The following ADIPOR2 variants were observed in gnomAD, a reference collection of about 807,000 sequenced individuals.
ADIPOR2 encodes adiponectin receptor 2, also known as adiponectin receptor protein 2.
Under a neutral mutation model 40.9 loss-of-function variants are expected in ADIPOR2, and 18 were observed. The ratio of observed to expected loss-of-function variants is 0.44; its 90% CI spans 0.30 to 0.65. ADIPOR2 has a LOEUF of 0.65. Ranked by LOEUF, ADIPOR2 falls within the 30% of genes least tolerant of loss-of-function variation. ADIPOR2 has a pLI of 0.09. For synonymous variants in ADIPOR2, 165 were observed against 166.4 expected (o/e 0.99, Z 0.06); for missense variants, 283 against 479.2 (o/e 0.59, Z 3.82).
intron 6 of ADIPOR2, among the ~76,000 whole-genome samples, chr12:1,781,909 G>A (rs761911360): frequency 1.3e-5 from 2 of 152,212 alleles, no homozygotes; most frequent in Non-Finnish European, 2.9e-5. Flanking sequence ...GAGCAAATGA[G>A]CATTGGTCAG....
rs372407260 is a variant in ADIPOR2, at chr12:1,719,587, C to G, written c.-87+28396C>G. ...TGTTGTAAGGATTAAAGAGATAATCCTTGGGAAATATTTTATTGCATGTAG... is the reference window on the plus strand; with the variant it reads ...TGTTGTAAGGATTAAAGAGATAATCGTTGGGAAATATTTTATTGCATGTAG... On this transcript the variant is annotated intron_variant, in intron 1 of 7. Coordinates refer to ENST00000357103, the MANE Select transcript of ADIPOR2 (RefSeq NM_024551.3). 1.1e-4 allele frequency among the ~76,000 whole-genome samples: 17 copies of G among 152,062 alleles called. 1 individual carries two copies. In the South Asian group the frequency reaches 3.5e-3, roughly 32 times the overall value.
At chr12:1,728,759 G>A (rs1256900027) in intron 1 of ADIPOR2, among the ~76,000 whole-genome samples, 1 of 151,832 alleles carries the variant, frequency 6.6e-6, no homozygotes, top group Non-Finnish European at 1.5e-5. Flanking sequence ...ATAAAAGAAA[G>A]CTCTGCATGA....
chr12:1,710,292 A>G (rs1004194977), intron 1 of ADIPOR2, among the ~76,000 whole-genome samples: 5 of 152,082 alleles, frequency 3.3e-5, no homozygotes, highest in Non-Finnish European at 5.9e-5. Context: ...TTCGCTCTTC[A>G]CAATAAATCT....
intron 1 of ADIPOR2, among the ~76,000 whole-genome samples, chr12:1,706,105 A>G (rs562681151): frequency 1.1e-3 from 170 of 152,296 alleles, no homozygotes; most frequent in African/African-American, 3.9e-3. Context: ...GAAGAAGGGA[A>G]CTACTTACTT....
At chr12:1,694,757 A>C (rs1227532781) in intron 1 of ADIPOR2, among the ~76,000 whole-genome samples, 1 of 152,196 alleles carries the variant, frequency 6.6e-6, no homozygotes, top group Admixed American at 6.5e-5. Context: ...CTTTGTGTGC[A>C]TATACAAGTA....
rs1230624900 is a variant in ADIPOR2 at position 1,786,561 on chromosome 12, A to G, written c.*489A>G. On this transcript the variant is annotated 3_prime_UTR_variant, in exon 8 of 8. Transcript: ENST00000357103. Reference sequence around the variant, plus strand: ...AGAAATTAATGTAAATAAGATTTCTAACTGTTTAAATAAGACTTTATATAA... The same window carrying G: ...AGAAATTAATGTAAATAAGATTTCTGACTGTTTAAATAAGACTTTATATAA... The G allele has an allele frequency of 6.5e-6, 1 of 154,116 alleles. No individual in the cohort carries two copies. The highest frequency in any genetic ancestry group is 1.4e-5 in the Non-Finnish European group (1 of 69,046). 9.5% of individuals were successfully genotyped at this position (154,116 alleles called of 1,614,324 possible).
At chr12:1,741,672 A>G (rs185017423) in intron 1 of ADIPOR2, among the ~76,000 whole-genome samples, 8 of 152,334 alleles carry the variant, frequency 5.3e-5, no homozygotes, top group Admixed American at 1.3e-4. Flanking sequence ...TAGACAACCA[A>G]TGGGGAATTC....
At chr12:1,738,784 T>G (rs2094736614) in intron 1 of ADIPOR2, among the ~76,000 whole-genome samples, 1 of 152,172 alleles carries the variant, frequency 6.6e-6, no homozygotes, top group South Asian at 2.1e-4. Context: ...GAAGAAACCA[T>G]TTTGGATATT....
intron 2 of ADIPOR2, among the ~76,000 whole-genome samples, chr12:1,771,829 A>T (rs778663357): frequency 2.4e-4 from 37 of 152,370 alleles, no homozygotes; most frequent in Middle Eastern, 6.8e-3. Context: ...AGTACTGTTT[A>T]TCTAAACAGA....
At chr12:1,746,970 G>A (rs1487694518) in intron 1 of ADIPOR2, among the ~76,000 whole-genome samples, 1 of 152,056 alleles carries the variant, frequency 6.6e-6, no homozygotes, top group African/African-American at 2.4e-5. Context: ...AGGAGTTTGA[G>A]GTTGCAATGA....
chr12:1,745,779 T>G (rs2094753727), intron 1 of ADIPOR2, among the ~76,000 whole-genome samples: 1 of 152,204 alleles, frequency 6.6e-6, no homozygotes, highest in African/African-American at 2.4e-5. Flanking sequence ...TCTGTTAGGG[T>G]GCTTTTCAAA....
rs534684039 is a variant in ADIPOR2, at chr12:1,734,102, C to T, written c.-86-20156C>T. Among the ~76,000 whole-genome samples, 412 of 152,224 alleles carry T rather than the reference C, an allele frequency of 2.7e-3. 4 individuals carry two copies. Among genetic ancestry groups the T allele is most frequent in the Non-Finnish European group, 2.6e-3 (178 of 68,010 alleles). On this transcript the variant is annotated intron_variant, in intron 1 of 7. Coordinates refer to ENST00000357103, the MANE Select transcript of ADIPOR2 (RefSeq NM_024551.3). Reference sequence around the variant, plus strand: ...GCGTGTGTCTTTATAGCAGCATGTTCTCTAATCCTTTGGGTATATACCCAG... The same window carrying T: ...GCGTGTGTCTTTATAGCAGCATGTTTTCTAATCCTTTGGGTATATACCCAG...
intron 1 of ADIPOR2, among the ~76,000 whole-genome samples, chr12:1,707,090 T>A (rs2094664854): frequency 6.6e-6 from 1 of 152,218 alleles, no homozygotes; most frequent in Admixed American, 6.5e-5. Flanking sequence ...CCATGTTGCT[T>A]TGTGTTCCAG....
At position 1,786,306 on chromosome 12, in the gene ADIPOR2, A is replaced by G. The variant is rs1028233061; in HGVS notation, c.*234A>G. On this transcript the variant is annotated 3_prime_UTR_variant, in exon 8 of 8. Coordinates refer to ENST00000357103, the MANE Select transcript of ADIPOR2 (RefSeq NM_024551.3). ...TGGGAGAAAAGGAGACATAGCCCAA[A>G]CCCTGGCTTATTCTTGGGATCTACT... The G allele has an allele frequency of 6.3e-6, 3 of 472,598 alleles. No homozygotes were observed. Among genetic ancestry groups the G allele is most frequent in the Admixed American group, 7.9e-5 (2 of 25,392 alleles). 29.3% of individuals were successfully genotyped at this position (472,598 alleles called of 1,614,324 possible).
chr12:1,705,292 A>G (rs2094659845), intron 1 of ADIPOR2, among the ~76,000 whole-genome samples: 1 of 152,246 alleles, frequency 6.6e-6, no homozygotes, highest in Non-Finnish European at 1.5e-5. Context: ...GGCACAAAAT[A>G]TATAATCCTA....
At chr12:1,710,384 G>A (rs974483788) in intron 1 of ADIPOR2, among the ~76,000 whole-genome samples, 4 of 152,122 alleles carry the variant, frequency 2.6e-5, no homozygotes, top group African/African-American at 9.7e-5. Context: ...CATTCTTGAA[G>A]TTAGCGAGAC....
chr12:1,785,276 G>A (rs186619070), intron 7 of ADIPOR2, among the ~76,000 whole-genome samples: 1 of 152,280 alleles, frequency 6.6e-6, no homozygotes, highest in Non-Finnish European at 1.5e-5. Flanking sequence ...CAACAGAACA[G>A]GTAAAATCAG....
chr12:1,748,530 G>A (rs139075083), intron 1 of ADIPOR2, among the ~76,000 whole-genome samples: 3 of 152,202 alleles, frequency 2.0e-5, no homozygotes, highest in Non-Finnish European at 2.9e-5. Flanking sequence ...TTACAGGCGT[G>A]AGCCACCGTG....
intron 2 of ADIPOR2, chr12:1,757,557 A>G: frequency 3.3e-6 from 3 of 912,300 alleles, no homozygotes; most frequent in Non-Finnish European, 5.5e-6. Context: ...GGTATCATTC[A>G]CCTTGATGAG....
Sources: gnomAD v4.1 joint callset for allele counts (sites outside exome capture counted in the v4.1 genomes callset) on GRCh38, gnomAD v4.1.1 for gene constraint, MANE v1.5 for transcripts, NCBI Gene and HGNC (gene_info 2026-07-23, HGNC 2026-07-21) for gene names.